Variants in NUP98 observed in about 807,000 individuals in gnomAD.
The protein encoded by NUP98 is nucleoporin 98 and 96 precursor, also known as nuclear pore complex protein Nup98-Nup96.
A neutral mutation model predicts 191.9 loss-of-function variants in NUP98; 26 were observed. The ratio of observed to expected loss-of-function variants is 0.14; its 90% confidence interval spans 0.10 to 0.19. The LOEUF is 0.19. Among genes scored for constraint, NUP98 ranks in the 10% least tolerant of loss-of-function variants. The probability of loss-of-function intolerance (pLI) is 1.00; values close to 1 mark genes in which losing one functional copy is unlikely to be tolerated. For synonymous variants in NUP98, 808 were observed against 778.4 expected, an observed-to-expected ratio of 1.04 and a Z score of -0.63; for missense variants, 1,941 against 2,178.8, an observed-to-expected ratio of 0.89 and a Z score of 2.17.
intron 29 of NUP98, 134 bp from the exon 30 acceptor site, chr11:3,683,575 G>A (rs925787780): frequency 1.9e-5 from 18 of 940,998 alleles, no homozygotes; most frequent in African/African-American, 5.0e-5. Flanking sequence ...TTTCACTCTT[G>A]TTGCCCAGGC....
intron 1 of NUP98, among the ~76,000 whole-genome samples, chr11:3,790,174 G>A (rs1165019326): frequency 6.6e-6 from 1 of 152,200 alleles, no homozygotes; most frequent in African/African-American, 2.4e-5. Context: ...ATGAGTGACT[G>A]TAACATTTAC....
chr11:3,679,685 C>T lies in NUP98; in HGVS notation c.4942G>A (p.Asp1648Asn), dbSNP rs1294752714. Residue 1648 changes from aspartate to asparagine, a missense_variant, in exon 31 of 33, where the codon GAC becomes AAC. Transcript: ENST00000324932. The stretch of plus-strand genomic sequence containing the variant: ...TCTTCCAAGAACCCCTTCAGGTAGT[C>T]ATAGTTCTCATTAATGATGGCATCT... ...ASDAIINENYDYLKGFLEDLA... is the reference protein window; with the variant it reads ...ASDAIINENYNYLKGFLEDLA... 5 of 1,613,760 alleles carry T rather than the reference C, an allele frequency of 3.1e-6. No homozygotes were observed. In the African/African-American group the frequency reaches 5.3e-5, roughly 17 times the overall value.
rs1394417938 is a variant in NUP98, at chr11:3,683,356, G to T, written c.4762C>A (p.Leu1588Ile). 1 of 1,614,174 alleles carries T rather than the reference G, an allele frequency of 6.2e-7. No individual in the cohort carries two copies. Residue 1588 changes from leucine to isoleucine, a missense_variant, in exon 30 of 33, where the codon CTT becomes ATT. Coordinates refer to ENST00000324932, the MANE Select transcript of NUP98 (RefSeq NM_016320.5). ...TPESWAKETF[L>I]TQKLRVPAKW... is the part of the protein sequence containing the mutation. The stretch of plus-strand genomic sequence containing the variant: ...GCAGGTACACGGAGCTTCTGGGTAA[G>T]GAAAGTCTCTTTAGCCCAAGATTCA...
intron 4 of NUP98, among the ~76,000 whole-genome samples, chr11:3,776,862 C>A (rs965011746): frequency 6.6e-6 from 1 of 152,132 alleles, no homozygotes; most frequent in African/African-American, 2.4e-5. Context: ...AAGTCTGAAT[C>A]CTTTGGTCAG....
intron 1 of NUP98, among the ~76,000 whole-genome samples, chr11:3,786,840 A>C (rs2082157093): frequency 6.6e-6 from 1 of 152,240 alleles, no homozygotes; most frequent in Non-Finnish European, 1.5e-5. Flanking sequence ...AGACTATCTG[A>C]AAGACTATGC....
At chr11:3,687,011 C>T (rs1401634676) in intron 28 of NUP98, among the ~76,000 whole-genome samples, 14 of 152,058 alleles carry the variant, frequency 9.2e-5, no homozygotes, top group Non-Finnish European at 1.3e-4. Flanking sequence ...TCAATTGTAA[C>T]CTCAACCTCC....
chr11:3,734,975 G>T (rs1404397213), intron 13 of NUP98, among the ~76,000 whole-genome samples: 1 of 152,154 alleles, frequency 6.6e-6, no homozygotes, highest in Non-Finnish European at 1.5e-5. Flanking sequence ...AAAACCCTCA[G>T]CATTGATCTT....
rs777947710 is a variant in NUP98 at position 3,776,121 on chromosome 11, A to ATTTTT, written c.356-105_356-101dup. The ATTTTT allele has an allele frequency of 3.1e-4, 166 of 538,590 alleles. 2 individuals are homozygous for ATTTTT. The highest frequency in any genetic ancestry group is 1.1e-4 in the South Asian group (5 of 43,916). The allele number at this position is 538,590 out of a possible 1,614,324, so 33.4% of individuals were successfully genotyped here. A position where few individuals can be genotyped will look rare whatever the true frequency, so the allele number is the denominator to read the frequency against. On this transcript the variant is annotated intron_variant, in intron 4 of 32. Coordinates refer to ENST00000324932, the MANE Select transcript of NUP98 (RefSeq NM_016320.5). ...TATGGCACTAGCATCACAGTACTTC[A>ATTTTT]TTTTTTTTTTTTTTTTTTGAGACAG...
Position 3,725,117 on chromosome 11 carries a change from TG to T in NUP98, c.1832del (p.Pro611GlnfsTer10). 1 of 1,509,712 alleles carries T rather than the reference TG, an allele frequency of 6.6e-7. No homozygotes were observed. The allele number at this position is 1,509,712 out of a possible 1,614,324, so 93.5% of individuals were successfully genotyped here. On this transcript the variant is annotated frameshift_variant, in exon 15 of 33. Coordinates refer to ENST00000324932, the MANE Select transcript of NUP98 (RefSeq NM_016320.5). LOFTEE classifies it high-confidence loss of function. ...SENLASPSEY[P>X]ENGERFSFLS... ...ATTCAGTGTACCTCTCTCCATTTTC[TG>T]GATATTCAGATGGTGAAGCTAGATT...
chr11:3,770,276 T>C (rs1030639114), intron 7 of NUP98, among the ~76,000 whole-genome samples: 23 of 151,924 alleles, frequency 1.5e-4, no homozygotes, highest in African/African-American at 4.8e-4. Context: ...AACCTGGGAA[T>C]TGGAGGTTGC....
intron 8 of NUP98, among the ~76,000 whole-genome samples, chr11:3,764,432 T>A (rs2081272074): frequency 6.6e-6 from 1 of 152,204 alleles, no homozygotes; most frequent in Non-Finnish European, 1.5e-5. Flanking sequence ...CTATGTCTTA[T>A]TTTTCTTCGG....
intron 10 of NUP98, among the ~76,000 whole-genome samples, chr11:3,757,139 G>GTGTA (rs113528232): frequency 8.8e-5 from 13 of 147,274 alleles, no homozygotes; most frequent in African/African-American, 3.2e-4. Flanking sequence ...ATCTATATGT[G>GTGTA]TATATATATA....
intron 20 of NUP98, chr11:3,711,795 C>CTGTACGCGCAAACATGTA: frequency 2.1e-6 from 2 of 962,414 alleles, no homozygotes; most frequent in Non-Finnish European, 2.5e-6. Flanking sequence ...CTCCCCTCCC[C>CTGTACGCGCAAACATGTA]TGTACGCGCA....
At chr11:3,797,307 G>GGAGAGGCCCT in intron 1 of NUP98, 93 bp downstream of exon 1, 2 of 398,424 alleles carry the variant, frequency 5.0e-6, no homozygotes, top group Non-Finnish European at 8.8e-6. Flanking sequence ...ACTTCGAAGC[G>GGAGAGGCCCT]GAGAGGCCCT....
chr11:3,725,355 T>C, intron 14 of NUP98, 136 bp from the exon 15 acceptor site: 1 of 558,350 alleles, frequency 1.8e-6, no homozygotes, highest in Non-Finnish European at 3.2e-6. Context: ...ACCTAACAAG[T>C]TTCATTTATA....
intron 14 of NUP98, among the ~76,000 whole-genome samples, chr11:3,730,474 A>C (rs1409745024): frequency 6.6e-6 from 1 of 151,776 alleles, no homozygotes; most frequent in Non-Finnish European, 1.5e-5. Context: ...CTCCTGCCTC[A>C]GCCTCCCAAG....
chr11:3,727,497 A>G (rs1323035159), intron 14 of NUP98, among the ~76,000 whole-genome samples: 1 of 152,132 alleles, frequency 6.6e-6, no homozygotes, highest in Non-Finnish European at 1.5e-5. Flanking sequence ...CAAATATGAG[A>G]CAATTTGAAC....
chr11:3,746,131 G>GTGGT (rs2080482516), intron 11 of NUP98, among the ~76,000 whole-genome samples: 1 of 151,922 alleles, frequency 6.6e-6, no homozygotes, highest in South Asian at 2.1e-4. Flanking sequence ...TTAGCTGGGT[G>GTGGT]TGGTGGCACA....
chr11:3,705,253 C>G lies in NUP98; in HGVS notation c.3029G>C (p.Cys1010Ser). ...TGCTGAAATGGGGAGTCTGGGAGAACAGATTTCTTGAGAAGTATCTGCTTT... is the reference window on the plus strand; with the variant it reads ...TGCTGAAATGGGGAGTCTGGGAGAAGAGATTTCTTGAGAAGTATCTGCTTT... ...PSKADTSQEI[C>S]SPRLPISASH... The change falls in exon 22 of 33, where the codon TGT (cysteine) becomes TCT (serine). Residue 1010 changes from cysteine (C) to serine (S), a missense_variant. By Grantham distance (112) the Cys-to-Ser change is moderately radical. This residue lies in a region of NUP98 where 1,030 missense variants were observed against 1,115.8 expected (regional missense o/e 0.92). Coordinates refer to ENST00000324932, the MANE Select transcript of NUP98 (RefSeq NM_016320.5). 1 of 1,614,174 alleles carries G rather than the reference C, an allele frequency of 6.2e-7. No individual in the cohort carries two copies. The highest frequency in any genetic ancestry group is 8.5e-7 in the Non-Finnish European group (1 of 1,180,028).
Sources: allele counts gnomAD v4.1 joint callset (sites outside exome capture counted in the v4.1 genomes callset), GRCh38; gene constraint gnomAD v4.1.1; regional missense constraint gnomAD v4.1.1; transcripts MANE v1.5; gene names NCBI Gene and HGNC (gene_info 2026-07-23, HGNC 2026-07-21).